IKZF3: variants seen among roughly 807,000 people sequenced by gnomAD.
IKZF3 encodes the protein IKAROS family zinc finger 3.
A neutral mutation model predicts 49.0 loss-of-function variants in IKZF3; 10 were observed. That is an observed-to-expected ratio of 0.20 (90% CI 0.13 to 0.35). IKZF3 has a LOEUF of 0.35. IKZF3 is among the 10% of genes least tolerant of loss of function. The pLI, the probability that IKZF3 is intolerant of heterozygous loss-of-function variation, is 1.00. For missense variants in IKZF3, 498 were observed against 664.8 expected, an observed-to-expected ratio of 0.75 and a Z score of 2.76; for synonymous variants, 209 against 228.2, an observed-to-expected ratio of 0.92 and a Z score of 0.76.
chr17:39,821,310 T>C lies in IKZF3; in HGVS notation c.163+8077A>G, dbSNP rs1196846705. 3.3e-5 allele frequency among the ~76,000 whole-genome samples: 5 copies of C among 152,048 alleles called. No homozygotes were observed. In the East Asian group the frequency reaches 9.6e-4, roughly 29 times the overall value. ...AATGGCCTAGAGATTTGGTTGTGGATGGAAAACACCCCAGAATTGGAGTGG... is the reference window on the plus strand; with the variant it reads ...AATGGCCTAGAGATTTGGTTGTGGACGGAAAACACCCCAGAATTGGAGTGG... On this transcript the variant is annotated intron_variant, in intron 3 of 7. Transcript: ENST00000346872.
chr17:39,813,946 G>A (rs1377959621), intron 3 of IKZF3, among the ~76,000 whole-genome samples: 5 of 152,272 alleles, frequency 3.3e-5, no homozygotes, highest in East Asian at 1.9e-4. Flanking sequence ...AGGCTGACGC[G>A]GTCTCTCCCA....
At chr17:39,847,056 T>G (rs2062654045) in intron 1 of IKZF3, among the ~76,000 whole-genome samples, 1 of 152,150 alleles carries the variant, frequency 6.6e-6, no homozygotes, top group Non-Finnish European at 1.5e-5. Context: ...TTATCTTATC[T>G]AAAATGTTCA....
intron 6 of IKZF3, among the ~76,000 whole-genome samples, chr17:39,785,807 G>T (rs956866027): frequency 1.3e-5 from 2 of 152,130 alleles, no homozygotes; most frequent in African/African-American, 4.8e-5. Context: ...AGACTCAAAT[G>T]TCCATTAGCT....
intron 3 of IKZF3, among the ~76,000 whole-genome samples, chr17:39,821,485 G>T (rs1309366781): frequency 1.3e-5 from 2 of 152,166 alleles, no homozygotes; most frequent in Non-Finnish European, 2.9e-5. Flanking sequence ...AAAGGTAAAA[G>T]TTACCAGTGA....
rs991171446 is a variant in IKZF3, at chr17:39,819,372, C to A, written c.163+10015G>T. The stretch of plus-strand genomic sequence containing the variant: ...CAGAAACTGTAACTCAGAAAAAAAA[C>A]AAGCCACAGGCACAGCTATCATTTG... On this transcript the variant is annotated intron_variant, in intron 3 of 7. Coordinates refer to ENST00000346872, the MANE Select transcript of IKZF3 (RefSeq NM_012481.5). 1.3e-4 allele frequency among the ~76,000 whole-genome samples: 20 copies of A among 152,184 alleles called. No homozygotes were observed. In the East Asian group the frequency reaches 3.7e-3, roughly 28 times the overall value.
chr17:39,766,033 C>T lies in IKZF3; in HGVS notation c.1287G>A (p.Lys429=), dbSNP rs142729687. Reference sequence around the variant, plus strand: ...AGTCTCTTGGGCAGATGGGCGGGGGCTTGAGGAGTTCGTAAGAGCGGGGAA... The same window carrying T: ...AGTCTCTTGGGCAGATGGGCGGGGGTTTGAGGAGTTCGTAAGAGCGGGGAA... ...KEVPRSYELL[K]PPPICPRDSV... The change falls in exon 8 of 8, where the codon AAG becomes AAA. Residue 429 remains lysine (K), a synonymous_variant. Transcript: ENST00000346872. 256 of 1,614,182 alleles carry T rather than the reference C, an allele frequency of 1.6e-4. No individual in the cohort carries two copies. The African/African-American group carries it at 3.1e-3, about 19-fold the overall frequency.
At chr17:39,780,145 G>T (rs1320208886) in intron 6 of IKZF3, among the ~76,000 whole-genome samples, 1 of 151,480 alleles carries the variant, frequency 6.6e-6, no homozygotes. Flanking sequence ...TTGAGGTTAC[G>T]GTGAACTATT....
At chr17:39,833,246 T>C (rs1217556032) in intron 1 of IKZF3, among the ~76,000 whole-genome samples, 1 of 152,166 alleles carries the variant, frequency 6.6e-6, no homozygotes, top group Non-Finnish European at 1.5e-5. Flanking sequence ...CAATATCTGT[T>C]TACAAGATTT....
At chr17:39,842,663 A>C (rs1568051301) in intron 1 of IKZF3, among the ~76,000 whole-genome samples, 1 of 152,194 alleles carries the variant, frequency 6.6e-6, no homozygotes, top group Non-Finnish European at 1.5e-5. Flanking sequence ...TCATGAGTAC[A>C]TTATTCATGT....
intron 1 of IKZF3, chr17:39,835,406 C>T (rs1173475061): frequency 2.3e-5 from 11 of 469,516 alleles, no homozygotes; most frequent in Middle Eastern, 7.4e-4. Context: ...TACACAATGG[C>T]GGCCTCCAGG....
chr17:39,801,280 C>T (rs936915101), intron 3 of IKZF3, among the ~76,000 whole-genome samples: 1 of 151,180 alleles, frequency 6.6e-6, no homozygotes, highest in African/African-American at 2.4e-5. Flanking sequence ...TTTAATGATG[C>T]CACTGATTTG....
intron 1 of IKZF3, among the ~76,000 whole-genome samples, chr17:39,859,950 G>A (rs940189881): frequency 6.6e-6 from 1 of 152,086 alleles, no homozygotes; most frequent in African/African-American, 2.4e-5. Flanking sequence ...CATCTATCTA[G>A]GCCAGGTGCA....
intron 1 of IKZF3, chr17:39,835,875 T>G (rs571852448): frequency 1.6e-6 from 1 of 633,486 alleles, no homozygotes; most frequent in Non-Finnish European, 3.0e-6. Flanking sequence ...ATCCTCGTAC[T>G]TGTTCTTGAA....
intron 3 of IKZF3, among the ~76,000 whole-genome samples, chr17:39,794,073 T>C (rs140833327): frequency 8.0e-4 from 122 of 152,210 alleles, no homozygotes; most frequent in African/African-American, 2.8e-3. Context: ...ATCAATGGAG[T>C]GTAGGGCTGG....
intron 5 of IKZF3, among the ~76,000 whole-genome samples, 189 bp downstream of exon 5, chr17:39,791,227 C>T (rs190624432): frequency 6.6e-6 from 1 of 152,266 alleles, no homozygotes; most frequent in East Asian, 1.9e-4. Context: ...ATGATCATCT[C>T]CACTGAGGCA....
At chr17:39,795,304 G>T (rs2061134656) in intron 3 of IKZF3, among the ~76,000 whole-genome samples, 1 of 152,204 alleles carries the variant, frequency 6.6e-6, no homozygotes, top group African/African-American at 2.4e-5. Context: ...AGTCCTTTGG[G>T]CTTACATAGT....
At chr17:39,833,507 C>T (rs1315775452) in intron 1 of IKZF3, among the ~76,000 whole-genome samples, 3 of 152,146 alleles carry the variant, frequency 2.0e-5, no homozygotes, top group Non-Finnish European at 2.9e-5. Context: ...AAAACAGAAT[C>T]ACACAGACAT....
intron 1 of IKZF3, among the ~76,000 whole-genome samples, chr17:39,836,484 G>C (rs2062286682): frequency 2.0e-5 from 3 of 152,174 alleles, no homozygotes; most frequent in African/African-American, 7.2e-5. Flanking sequence ...TGGAGAAACT[G>C]CTTCTAGGTA....
intron 3 of IKZF3, among the ~76,000 whole-genome samples, chr17:39,813,991 T>C (rs917730773): frequency 6.6e-6 from 1 of 152,244 alleles, no homozygotes; most frequent in African/African-American, 2.4e-5. Flanking sequence ...CACATCTAAA[T>C]GTGGCGGTAA....
Sources: allele counts gnomAD v4.1 joint callset (sites outside exome capture counted in the v4.1 genomes callset), GRCh38; gene constraint gnomAD v4.1.1; transcripts MANE v1.5; gene names NCBI Gene and HGNC (gene_info 2026-07-23, HGNC 2026-07-21).